Variants in CDK17 observed in about 807,000 individuals in gnomAD.
The protein encoded by CDK17 is cyclin dependent kinase 17, also known as cyclin-dependent kinase 17.
In CDK17, 24 loss-of-function variants were observed where a neutral mutation model predicts 77.6. The observed-to-expected ratio is 0.31, with a 90% CI of 0.22 to 0.44. The LOEUF (loss-of-function observed/expected upper bound fraction) is 0.44. Ranked by LOEUF, CDK17 falls within the 20% of genes least tolerant of loss-of-function variation. The pLI is 1.00. For missense variants in CDK17, 429 were observed against 622.5 expected, an observed-to-expected ratio of 0.69 and a Z score of 3.31; for synonymous variants, 203 against 210.4, an observed-to-expected ratio of 0.96 and a Z score of 0.30.
chr12:96,300,956 C>T (rs1952491244), intron 5 of CDK17, among the ~76,000 whole-genome samples: 1 of 152,138 alleles, frequency 6.6e-6, no homozygotes, highest in South Asian at 2.1e-4. Flanking sequence ...TAAGATACCA[C>T]AGGCATTTTA....
intron 1 of CDK17, among the ~76,000 whole-genome samples, chr12:96,368,818 G>GGC (rs1953640417): frequency 2.1e-5 from 2 of 95,518 alleles, no homozygotes; most frequent in African/African-American, 7.3e-5. Flanking sequence ...GGGGGGGGGG[G>GGC]GGGGGGCACA....
At chr12:96,310,962 G>A (rs35036804) in intron 5 of CDK17, 90 bp downstream of exon 5, 76,149 of 1,312,550 alleles carry the variant, frequency 0.058, 2,645 homozygotes, top group Non-Finnish European at 0.063. Flanking sequence ...CTAAAGTCAA[G>A]TATAAAAATT....
At chr12:96,284,114 T>G (rs1952213355) in intron 13 of CDK17, among the ~76,000 whole-genome samples, 1 of 152,218 alleles carries the variant, frequency 6.6e-6, no homozygotes, top group African/African-American at 2.4e-5. Context: ...AGTTGTCTGC[T>G]TAGCACCGGG....
intron 3 of CDK17, among the ~76,000 whole-genome samples, chr12:96,318,362 AC>A (rs559008702): frequency 1.9e-3 from 273 of 143,200 alleles, no homozygotes; most frequent in African/African-American, 6.8e-3. Flanking sequence ...AGACTTTAAC[AC>A]CCCACTGTCA....
chr12:96,388,418 A>C, intron 1 of CDK17, among the ~76,000 whole-genome samples: 1 of 152,346 alleles, frequency 6.6e-6, no homozygotes, highest in Non-Finnish European at 1.5e-5. Flanking sequence ...ACATACAAGA[A>C]GGATGCAACA....
intron 14 of CDK17, among the ~76,000 whole-genome samples, chr12:96,283,249 T>C (rs947498085): frequency 2.0e-5 from 3 of 152,078 alleles, no homozygotes; most frequent in Non-Finnish European, 4.4e-5. Flanking sequence ...TTATTCCTGC[T>C]TTGGAGGGAA....
At chr12:96,281,037 C>A in intron 15 of CDK17, 152 bp from the exon 16 acceptor site, 1 of 622,456 alleles carries the variant, frequency 1.6e-6, no homozygotes, top group Non-Finnish European at 2.7e-6. Flanking sequence ...CTTTTTGTCC[C>A]AGTGTGTTGA....
chr12:96,330,084 T>C (rs1952946427), intron 2 of CDK17, among the ~76,000 whole-genome samples: 1 of 152,210 alleles, frequency 6.6e-6, no homozygotes, highest in Admixed American at 6.5e-5. Flanking sequence ...AAAACATAAT[T>C]TTACCTTTCT....
Position 96,324,024 on chromosome 12 carries a change from T to C in CDK17, c.207A>G (p.Pro69=), listed in dbSNP as rs1340178129. Residue 69 remains proline (P), a synonymous_variant, in exon 3 of 17, where the codon CCA becomes CCG. Coordinates refer to ENST00000261211, the MANE Select transcript of CDK17 (RefSeq NM_002595.5). ...CAATAACACTGTGTGGTCTCCGCAA[T>C]GGGGGCTTCTTGAAAGATCCTGTGT... ...HQYTGSFKKP[P]LRRPHSVIGG... 1.2e-6 allele frequency: 2 copies of C among 1,612,134 alleles called. No individual in the cohort carries two copies. Among genetic ancestry groups the C allele is most frequent in the Admixed American group, 1.7e-5 (1 of 59,762 alleles).
At chr12:96,313,148 G>A (rs1233126548) in intron 4 of CDK17, among the ~76,000 whole-genome samples, 173 bp downstream of exon 4, 1 of 152,112 alleles carries the variant, frequency 6.6e-6, no homozygotes, top group East Asian at 1.9e-4. Context: ...AATTAAAAAA[G>A]AGGAAATATT....
intron 1 of CDK17, among the ~76,000 whole-genome samples, chr12:96,377,794 C>T (rs1464348091): frequency 2.0e-5 from 3 of 150,648 alleles, no homozygotes; most frequent in East Asian, 2.0e-4. Flanking sequence ...CCCGGGTTCA[C>T]GCCATTCTCC....
At chr12:96,342,518 T>C (rs1162495335) in intron 1 of CDK17, among the ~76,000 whole-genome samples, 2 of 152,020 alleles carry the variant, frequency 1.3e-5, no homozygotes, top group Non-Finnish European at 2.9e-5. Flanking sequence ...GCTAAGATCA[T>C]GCCACTGCAC....
At chr12:96,350,723 A>C (rs937978940) in intron 1 of CDK17, among the ~76,000 whole-genome samples, 1 of 152,184 alleles carries the variant, frequency 6.6e-6, no homozygotes, top group African/African-American at 2.4e-5. Flanking sequence ...AGTTAACTGA[A>C]AATGAATCAA....
intron 5 of CDK17, among the ~76,000 whole-genome samples, chr12:96,301,256 A>AAC (rs1555200143): frequency 5.3e-5 from 6 of 112,484 alleles, no homozygotes; most frequent in East Asian, 3.5e-4. Flanking sequence ...AAAAAAAAAA[A>AAC]AAACAAACAA....
intron 7 of CDK17, among the ~76,000 whole-genome samples, 155 bp downstream of exon 7, chr12:96,298,714 T>A (rs1007556657): frequency 5.9e-5 from 9 of 152,212 alleles, no homozygotes; most frequent in Non-Finnish European, 1.2e-4. Context: ...ATATAATTAA[T>A]CCCTTTGAGT....
chr12:96,304,033 C>T (rs868435732), intron 5 of CDK17, among the ~76,000 whole-genome samples: 1 of 152,070 alleles, frequency 6.6e-6, no homozygotes, highest in African/African-American at 2.4e-5. Context: ...AACAAATAAC[C>T]ATAATAATAC....
chr12:96,350,660 A>C (rs1243081951), intron 1 of CDK17, among the ~76,000 whole-genome samples: 1 of 152,172 alleles, frequency 6.6e-6, no homozygotes, highest in African/African-American at 2.4e-5. Context: ...GGAAAACTGG[A>C]TGTTTTCATG....
chr12:96,400,188 G>A lies in CDK17; in HGVS notation c.-232C>T, dbSNP rs114809093. 0.023 allele frequency: 8,908 copies of A among 394,820 alleles called. 708 individuals carry two copies. Among genetic ancestry groups the A allele is most frequent in the African/African-American group, 0.16 (7,916 of 48,508 alleles). 24.5% of individuals were successfully genotyped at this position (394,820 alleles called of 1,614,324 possible). A position where few individuals can be genotyped will look rare whatever the true frequency, so the allele number is the denominator to read the frequency against. ...TCCGGAGCCTCGGGAGGGGCCGCGG[G>A]TGTCTCACGCGTTGCCAAGTCCCTC... On this transcript the variant is annotated 5_prime_UTR_variant, in exon 1 of 17. Coordinates refer to ENST00000261211, the MANE Select transcript of CDK17 (RefSeq NM_002595.5).
At chr12:96,320,489 C>T (rs11108469) in intron 3 of CDK17, among the ~76,000 whole-genome samples, 1,705 of 146,728 alleles carry the variant, frequency 0.012, 25 homozygotes, top group African/African-American at 0.039. Flanking sequence ...AAAAAGAGCC[C>T]GCATCGCCAA....
Sources: allele counts gnomAD v4.1 joint callset (sites outside exome capture counted in the v4.1 genomes callset), GRCh38; gene constraint gnomAD v4.1.1; transcripts MANE v1.5; gene names NCBI Gene and HGNC (gene_info 2026-07-23, HGNC 2026-07-21).